KIF13A: variants seen among roughly 807,000 people sequenced by gnomAD.
KIF13A encodes the protein kinesin-like protein KIF13A.
In KIF13A, 79 loss-of-function variants were observed where a neutral mutation model predicts 212.2. The ratio of observed to expected loss-of-function variants is 0.37; its 90% confidence interval spans 0.31 to 0.45. KIF13A has a LOEUF of 0.45. KIF13A is among the 20% of genes least tolerant of loss of function. The pLI, the probability that KIF13A is intolerant of heterozygous loss-of-function variation, is 1.00. For missense variants in KIF13A, 1,901 were observed against 2,209.0 expected, an observed-to-expected ratio of 0.86 and a Z score of 2.79; for synonymous variants, 789 against 808.6, an observed-to-expected ratio of 0.98 and a Z score of 0.41.
Position 17,833,115 on chromosome 6 carries a change from T to A in KIF13A, c.1266+846A>T, listed in dbSNP as rs545972067. 2.0e-4 allele frequency among the ~76,000 whole-genome samples: 30 copies of A among 151,566 alleles called. 1 individual carries two copies. In the East Asian group the frequency reaches 5.2e-3, roughly 26 times the overall value. On this transcript the variant is annotated intron_variant, in intron 12 of 38. Transcript: ENST00000259711. ...TGACATTTTCTGTAACCATGCTTGT[T>A]CAAATTTAGTGCTATCTAACACGTC... is the stretch of plus-strand genomic sequence containing the variant.
At chr6:17,863,219 T>C (rs921226328) in intron 4 of KIF13A, among the ~76,000 whole-genome samples, 18 of 152,116 alleles carry the variant, frequency 1.2e-4, no homozygotes, top group African/African-American at 3.9e-4. Flanking sequence ...CGACCAAATA[T>C]GATGGTGGTG....
At chr6:17,944,127 C>T (rs935218100) in intron 2 of KIF13A, among the ~76,000 whole-genome samples, 2 of 152,124 alleles carry the variant, frequency 1.3e-5, no homozygotes, top group Non-Finnish European at 2.9e-5. Flanking sequence ...ATAAAAATTC[C>T]CCATGGAGAT....
Position 17,776,636 on chromosome 6 carries a change from G to T in KIF13A, c.4170+641C>A, listed in dbSNP as rs982216824. Among the ~76,000 whole-genome samples the T allele has an allele frequency of 6.6e-6, 1 of 152,200 alleles. No homozygotes were observed. Among genetic ancestry groups the T allele is most frequent in the African/African-American group, 2.4e-5 (1 of 41,452 alleles). ...TAAATAATTTTCTGGCAATTCTAGA[G>T]AACAGGAAGGCAAATAAGCCTGTGT... On this transcript the variant is annotated intron_variant, in intron 34 of 38. Transcript: ENST00000259711. This position sits in a 1 kb window ranked among gnomAD's most constrained non-coding sequence, Gnocchi z 4.6.
At chr6:17,869,888 C>G (rs1769843302) in intron 4 of KIF13A, among the ~76,000 whole-genome samples, 2 of 152,290 alleles carry the variant, frequency 1.3e-5, no homozygotes, top group South Asian at 4.1e-4. Context: ...TGCCATTATT[C>G]ATCGAGCCTG....
In KIF13A at chr6:17,926,456, C is replaced by T. The variant is rs908226984; in HGVS notation, c.147-28276G>A. 3.9e-5 allele frequency among the ~76,000 whole-genome samples: 6 copies of T among 152,162 alleles called. No homozygotes were observed. Among genetic ancestry groups the T allele is most frequent in the Non-Finnish European group, 7.3e-5 (5 of 68,028 alleles). Reference sequence around the variant, plus strand: ...CCATGTTGGCCAGGCTGGTCTTGAACTCCAGCCTCAAGTGATCTGCCTGCC... The same window carrying T: ...CCATGTTGGCCAGGCTGGTCTTGAATTCCAGCCTCAAGTGATCTGCCTGCC... On this transcript the variant is annotated intron_variant, in intron 2 of 38. Transcript: ENST00000259711. The surrounding 1 kb of genome is among the most constrained non-coding windows in gnomAD (Gnocchi z 4.3).
intron 2 of KIF13A, among the ~76,000 whole-genome samples, chr6:17,903,532 G>A (rs370335126): frequency 3.9e-5 from 6 of 152,236 alleles, no homozygotes; most frequent in African/African-American, 1.2e-4. Context: ...AGAAAAATAA[G>A]TTTTACGTGA....
intron 9 of KIF13A, among the ~76,000 whole-genome samples, chr6:17,847,347 C>T (rs974676181): frequency 2.0e-5 from 3 of 152,184 alleles, no homozygotes; most frequent in African/African-American, 7.2e-5. Context: ...TCTTGCAATG[C>T]CTTGTCAGGA....
intron 2 of KIF13A, among the ~76,000 whole-genome samples, chr6:17,975,311 T>C (rs530011798): frequency 6.6e-6 from 1 of 152,018 alleles, no homozygotes; most frequent in South Asian, 2.1e-4. Flanking sequence ...TGAGACTGTG[T>C]TCCGAATTAG....
At chr6:17,836,296 A>T (rs1480163878) in intron 11 of KIF13A, among the ~76,000 whole-genome samples, 1 of 152,226 alleles carries the variant, frequency 6.6e-6, no homozygotes, top group Non-Finnish European at 1.5e-5. Context: ...TTCTCTGAAA[A>T]TTGCAAGGCC....
rs1487364363 is a variant in KIF13A, at chr6:17,888,874, T to C, written c.159+9294A>G. On this transcript the variant is annotated intron_variant, in intron 3 of 38. Coordinates refer to ENST00000259711, the MANE Select transcript of KIF13A (RefSeq NM_022113.6). This position sits in a 1 kb window ranked among gnomAD's most constrained non-coding sequence, Gnocchi z 4.8. Reference sequence around the variant, plus strand: ...ATGAAATAATTTAATATAAAAATAATAATATATTTAACCAAATATATAAAA... The same window carrying C: ...ATGAAATAATTTAATATAAAAATAACAATATATTTAACCAAATATATAAAA... 6.6e-6 allele frequency among the ~76,000 whole-genome samples: 1 copy of C among 151,946 alleles called. No homozygotes were observed. Among genetic ancestry groups the C allele is most frequent in the Non-Finnish European group, 1.5e-5 (1 of 67,986 alleles).
Position 17,828,362 on chromosome 6 carries a change from G to A in KIF13A, c.1410C>T (p.Thr470=). The change falls in exon 14 of 39, where the codon ACC becomes ACT. Residue 470 remains threonine, a synonymous_variant. Transcript: ENST00000259711. The surrounding 1 kb of genome is among the most constrained non-coding windows in gnomAD (Gnocchi z 4.3). ...CTTGAGAGGTATCTGCACCCACCCT[G>A]GTGTGATCCTAGTAAAAGATTATTA... ...ELLVYYLKDH[T]RVGADTSQDI... 3 of 1,608,430 alleles carry A rather than the reference G, an allele frequency of 1.9e-6. No individual in the cohort carries two copies. Among genetic ancestry groups the A allele is most frequent in the South Asian group, 1.1e-5 (1 of 89,762 alleles).
In KIF13A at chr6:17,809,059, A is replaced by T; in HGVS notation, c.2001-129T>A. 1 of 836,044 alleles carries T rather than the reference A, an allele frequency of 1.2e-6. No individual in the cohort carries two copies. Among genetic ancestry groups the T allele is most frequent in the African/African-American group, 1.7e-5 (1 of 57,674 alleles). 51.8% of individuals were successfully genotyped at this position (836,044 alleles called of 1,614,324 possible). On this transcript the variant is annotated intron_variant, in intron 17 of 38. Transcript: ENST00000259711. This position sits in a 1 kb window ranked among gnomAD's most constrained non-coding sequence, Gnocchi z 4.7. The stretch of plus-strand genomic sequence containing the variant: ...AGTATTTTTCAAACTATTTTACCAG[A>T]CTACCTCTCATCCTTCCCTCCTGCC...
Position 17,819,077 on chromosome 6 carries a change from G to A in KIF13A, c.1787-1844C>T, listed in dbSNP as rs1764206031. On this transcript the variant is annotated intron_variant, in intron 16 of 38. Coordinates refer to ENST00000259711, the MANE Select transcript of KIF13A (RefSeq NM_022113.6). ...TGCAGTGGCGCGATCTCGGCTCACT[G>A]CAAGCTCCACCTCCCAGGTTCAAGC... 3.4e-5 allele frequency among the ~76,000 whole-genome samples: 5 copies of A among 145,556 alleles called. No homozygotes were observed. In the South Asian group the frequency reaches 1.1e-3, roughly 32 times the overall value.
intron 2 of KIF13A, among the ~76,000 whole-genome samples, chr6:17,902,706 C>A (rs572376959): frequency 2.6e-5 from 4 of 152,196 alleles, no homozygotes; most frequent in Non-Finnish European, 5.9e-5. Flanking sequence ...TTCTACTATC[C>A]CAAGACTCCT....
intron 2 of KIF13A, among the ~76,000 whole-genome samples, chr6:17,905,252 C>G (rs143432525): frequency 6.6e-6 from 1 of 152,304 alleles, no homozygotes; most frequent in East Asian, 1.9e-4. Flanking sequence ...CACCCCTGTT[C>G]TAAGTATTCT....
chr6:17,877,735 A>T (rs1250213564), intron 3 of KIF13A, among the ~76,000 whole-genome samples: 1 of 151,292 alleles, frequency 6.6e-6, no homozygotes, highest in Non-Finnish European at 1.5e-5. Flanking sequence ...CCCAAGCTTG[A>T]TCCATGGTGA....
chr6:17,785,505 G>A lies in KIF13A; in HGVS notation c.3488+10C>T. The A allele has an allele frequency of 1.9e-6, 3 of 1,551,346 alleles. No individual in the cohort carries two copies. Among genetic ancestry groups the A allele is most frequent in the Non-Finnish European group, 2.6e-6 (3 of 1,152,076 alleles). On this transcript the variant is annotated intron_variant, in intron 28 of 38. Transcript: ENST00000259711. This position sits in a 1 kb window ranked among gnomAD's most constrained non-coding sequence, Gnocchi z 5.8. ...TCCCCAGGTCTGCACAGAAGGGAGG[G>A]CAGCCTTACCAGTCGGCAGGTGCCC...
At chr6:17,820,672 C>T (rs896315318) in intron 16 of KIF13A, among the ~76,000 whole-genome samples, 3 of 152,098 alleles carry the variant, frequency 2.0e-5, no homozygotes, top group Non-Finnish European at 4.4e-5. Context: ...AGCCAGGTGC[C>T]CAAAGCCAAG....
Position 17,903,172 on chromosome 6 carries a change from T to C in KIF13A, c.147-4992A>G, listed in dbSNP as rs531670097. Among the ~76,000 whole-genome samples, 35 of 152,338 alleles carry C rather than the reference T, an allele frequency of 2.3e-4. 1 individual carries two copies. Among genetic ancestry groups the C allele is most frequent in the African/African-American group, 8.2e-4 (34 of 41,574 alleles). ...TAAAAAGCTTCTGACATCAACTAAA[T>C]TGAGAAATGCTGCTGAACACAGTTA... is the stretch of plus-strand genomic sequence containing the variant. On this transcript the variant is annotated intron_variant, in intron 2 of 38. Transcript: ENST00000259711.
Sources: gnomAD v4.1 joint callset for allele counts (sites outside exome capture counted in the v4.1 genomes callset) on GRCh38, gnomAD v4.1.1 for gene constraint, Gnocchi (gnomAD v3.1) non-coding constraint, MANE v1.5 for transcripts, NCBI Gene and HGNC (gene_info 2026-07-23, HGNC 2026-07-21) for gene names.